Variants in BCO1 observed in about 807,000 individuals in gnomAD.
BCO1 encodes the protein beta,beta-carotene 15,15'-dioxygenase.
BCO1 carries 54 observed loss-of-function variants against 56.3 expected under a neutral mutation model. The ratio of observed to expected loss-of-function variants is 0.96; its 90% CI spans 0.77 to 1.20. The LOEUF (loss-of-function observed/expected upper bound fraction) is 1.20. Ranked by LOEUF, BCO1 falls within the 50% of genes most tolerant of loss-of-function variation. BCO1 has a pLI of 0.00. For missense variants in BCO1, 801 were observed against 690.9 expected, an observed-to-expected ratio of 1.16 and a Z score of -1.79; for synonymous variants, 318 against 266.1, an observed-to-expected ratio of 1.20 and a Z score of -1.90.
At chr16:81,273,070 A>G (rs1292657643) in intron 7 of BCO1, among the ~76,000 whole-genome samples, 1 of 151,900 alleles carries the variant, frequency 6.6e-6, no homozygotes, top group East Asian at 1.9e-4. Context: ...CCTGGGTTCT[A>G]GCGATTCTCC....
chr16:81,245,446 G>C, intron 1 of BCO1, 29 bp from the exon 2 acceptor site: 1 of 1,614,106 alleles, frequency 6.2e-7, no homozygotes, highest in Non-Finnish European at 8.5e-7. Context: ...AGGTGGAAAC[G>C]GGAAACTAAA....
chr16:81,260,827 C>A (rs748174914), intron 3 of BCO1, among the ~76,000 whole-genome samples: 15 of 152,168 alleles, frequency 9.9e-5, no homozygotes, highest in Non-Finnish European at 1.9e-4. Context: ...CATTTTAAAT[C>A]ATCTGGATTA....
chr16:81,264,735 G>T lies in BCO1; in HGVS notation c.567G>T (p.Val189=). 6.2e-7 allele frequency: 1 copy of T among 1,614,184 alleles called. No individual in the cohort carries two copies. The highest frequency in any genetic ancestry group is 8.5e-7 in the Non-Finnish European group (1 of 1,180,022). The change falls in exon 5 of 11, where the codon GTG becomes GTT. Residue 189 remains valine (V), a synonymous_variant. Transcript: ENST00000258168. ...GNVLNMGTSI[V]EKGKTKYVIF... Reference sequence around the variant, plus strand: ...TTCTAAACATGGGCACATCCATTGTGGAAAAGGGGAAGACAAAGTATGTGA... The same window carrying T: ...TTCTAAACATGGGCACATCCATTGTTGAAAAGGGGAAGACAAAGTATGTGA...
At chr16:81,281,831 A>C (rs1275375845) in intron 8 of BCO1, among the ~76,000 whole-genome samples, 2 of 152,204 alleles carry the variant, frequency 1.3e-5, no homozygotes, top group East Asian at 3.8e-4. Flanking sequence ...GAAGACCCCC[A>C]TCCTGAATTG....
At position 81,274,099 on chromosome 16, in the gene BCO1, A is replaced by G. The variant is rs541595659; in HGVS notation, c.1101+3683A>G. The stretch of plus-strand genomic sequence containing the variant: ...AAGTACTGAGGAGTAACAAGGCACA[A>G]AGGTAGTAAGTCTCAAGGCTGACCT... On this transcript the variant is annotated intron_variant, in intron 7 of 10. Coordinates refer to ENST00000258168, the MANE Select transcript of BCO1 (RefSeq NM_017429.3). Among the ~76,000 whole-genome samples the G allele has an allele frequency of 2.0e-5, 3 of 152,220 alleles. No individual in the cohort carries two copies. In the East Asian group the frequency reaches 5.8e-4, roughly 29 times the overall value.
chr16:81,282,332 G>C (rs1313340209), intron 8 of BCO1, among the ~76,000 whole-genome samples: 2 of 152,218 alleles, frequency 1.3e-5, no homozygotes, highest in East Asian at 3.8e-4. Flanking sequence ...AGAGAGCTGA[G>C]ATTGCGCCAC....
Position 81,259,678 on chromosome 16 carries a change from G to T in BCO1, c.196G>T (p.Glu66Ter), listed in dbSNP as rs749097919. The change falls in exon 3 of 11, where the codon GAA (glutamate) becomes TAA (stop). Residue 66 changes from glutamate to a stop codon, truncating the protein, a stop_gained and splice_region_variant. Transcript: ENST00000258168. LOFTEE classifies it high-confidence loss of function. ...TTATGCTGGTTCTTCTCTTGCAGGT[G>T]AAGTCTATTACAGGAGCAAATACCT... is the stretch of plus-strand genomic sequence containing the variant. ...LLHSFTIRDG[E>*]VYYRSKYLRS... 3.3e-5 allele frequency: 53 copies of T among 1,614,086 alleles called. No individual in the cohort carries two copies. Among genetic ancestry groups the T allele is most frequent in the Non-Finnish European group, 4.1e-5 (48 of 1,180,036 alleles).
At chr16:81,284,843 T>TC (rs548061351) in intron 8 of BCO1, among the ~76,000 whole-genome samples, 49 of 150,782 alleles carry the variant, frequency 3.2e-4, no homozygotes, top group African/African-American at 9.0e-4. Context: ...TCTTTTCTTT[T>TC]TTTTTTTTTT....
chr16:81,274,825 C>G (rs1188299271), intron 7 of BCO1, among the ~76,000 whole-genome samples: 1 of 151,928 alleles, frequency 6.6e-6, no homozygotes, highest in African/African-American at 2.4e-5. Flanking sequence ...CTGCAGTGAG[C>G]TGAGATCCCA....
chr16:81,253,212 C>G (rs562282231), intron 2 of BCO1, among the ~76,000 whole-genome samples: 1 of 152,230 alleles, frequency 6.6e-6, no homozygotes, highest in Admixed American at 6.5e-5. Context: ...GATTAAGAGA[C>G]CTGCCCAAGG....
intron 2 of BCO1, among the ~76,000 whole-genome samples, chr16:81,257,603 G>C (rs1273514465): frequency 6.7e-6 from 1 of 149,874 alleles, no homozygotes; most frequent in Non-Finnish European, 1.5e-5. Context: ...AACTTCGCAG[G>C]CTAGGCAAAC....
chr16:81,249,437 T>C (rs950060464), intron 2 of BCO1, among the ~76,000 whole-genome samples: 1 of 152,174 alleles, frequency 6.6e-6, no homozygotes, highest in Admixed American at 6.5e-5. Context: ...TTTGTATTTT[T>C]AGTAGAGACG....
chr16:81,279,812 T>C (rs1479091429), intron 7 of BCO1, among the ~76,000 whole-genome samples: 10 of 152,228 alleles, frequency 6.6e-5, no homozygotes, highest in Non-Finnish European at 2.9e-5. Flanking sequence ...GAAATGTCCT[T>C]GAAGGCTGTT....
chr16:81,259,131 A>T (rs560862657), intron 2 of BCO1, among the ~76,000 whole-genome samples: 1 of 152,272 alleles, frequency 6.6e-6, no homozygotes, highest in African/African-American at 2.4e-5. Context: ...GGAACAAAAC[A>T]TTCAAACCGT....
At chr16:81,284,226 A>AT (rs1489913987) in intron 8 of BCO1, among the ~76,000 whole-genome samples, 2 of 133,242 alleles carry the variant, frequency 1.5e-5, no homozygotes, top group African/African-American at 5.6e-5. Context: ...ATATATATAT[A>AT]TATTTTTATA....
chr16:81,272,285 T>C (rs1907276825), intron 7 of BCO1, among the ~76,000 whole-genome samples: 1 of 150,942 alleles, frequency 6.6e-6, no homozygotes, highest in Non-Finnish European at 1.5e-5. Context: ...GGCTAATTTT[T>C]TTTTTGTATT....
At chr16:81,272,369 T>C (rs566833685) in intron 7 of BCO1, among the ~76,000 whole-genome samples, 30 of 150,354 alleles carry the variant, frequency 2.0e-4, no homozygotes, top group East Asian at 1.6e-3. Flanking sequence ...CCGCCCGCCT[T>C]GGCCTCCCAA....
rs530676028 is a variant in BCO1, at chr16:81,250,578, C to CTTTTTTTTTTTTTTTTT, written c.193+4979_193+4995dup. On this transcript the variant is annotated intron_variant, in intron 2 of 10. Transcript: ENST00000258168. ...TTGTGTGCCTCCTTTCTCAATAAAG[C>CTTTTTTTTTTTTTTTTT]TTTTTTTTTTTTTTTTTTTTGAGAT... 1.2e-4 allele frequency among the ~76,000 whole-genome samples: 13 copies of CTTTTTTTTTTTTTTTTT among 105,488 alleles called. 1 individual carries two copies. The highest frequency in any genetic ancestry group is 3.3e-4 in the South Asian group (1 of 3,042). 69.2% of individuals were successfully genotyped at this position (105,488 alleles called of 152,430 possible). A position where few individuals can be genotyped will look rare whatever the true frequency, so the allele number is the denominator to read the frequency against.
intron 8 of BCO1, among the ~76,000 whole-genome samples, 168 bp downstream of exon 8, chr16:81,281,130 A>G (rs942372585): frequency 2.0e-5 from 3 of 152,056 alleles, no homozygotes; most frequent in Non-Finnish European, 4.4e-5. Context: ...TCTTTTCTCT[A>G]TCTTCAAATG....
Sources: gnomAD v4.1 joint callset for allele counts (sites outside exome capture counted in the v4.1 genomes callset) on GRCh38, gnomAD v4.1.1 for gene constraint, MANE v1.5 for transcripts, NCBI Gene and HGNC (gene_info 2026-07-23, HGNC 2026-07-21) for gene names.